LIFR: variants seen among roughly 807,000 people sequenced by gnomAD.
The protein encoded by LIFR is LIF receptor subunit alpha.
Under a neutral mutation model 122.2 loss-of-function variants are expected in LIFR, and 84 were observed. That is an observed-to-expected ratio of 0.69 (90% confidence interval 0.58 to 0.82). The LOEUF is 0.82. LIFR is among the 40% of genes least tolerant of loss of function. The pLI, the probability that LIFR is intolerant of heterozygous loss-of-function variation, is 0.00. For synonymous variants in LIFR, 422 were observed against 434.7 expected (o/e 0.97, Z 0.36); for missense variants, 1,294 against 1,311.6 (o/e 0.99, Z 0.21).
chr5:38,540,090 G>C (rs1352548011), intron 1 of LIFR, among the ~76,000 whole-genome samples: 2 of 152,110 alleles, frequency 1.3e-5, no homozygotes, highest in Non-Finnish European at 2.9e-5. Flanking sequence ...CAACTAAGCT[G>C]GAGTCAGGAG....
rs1344272905 is a variant in LIFR at position 38,490,212 on chromosome 5, C to T, written c.2145G>A (p.Met715Ile). ...TACCCAATTCTTCTATATATCCAAT[C>T]ATGGAGCGTAATAATTGATATCCTT... ...RNQGYQLLRS[M>I]IGYIEELAPI... The change falls in exon 15 of 20, where the codon ATG becomes ATA. Residue 715 changes from methionine to isoleucine, a missense_variant. Met to Ile is a conservative substitution (Grantham distance 10). Transcript: ENST00000453190. 3 of 1,555,894 alleles carry T rather than the reference C, an allele frequency of 1.9e-6. No individual in the cohort carries two copies. The highest frequency in any genetic ancestry group is 2.7e-6 in the Non-Finnish European group (3 of 1,130,938).
chr5:38,601,248 T>C (rs1177768746), intron 2 of LIFR, among the ~76,000 whole-genome samples: 1 of 152,200 alleles, frequency 6.6e-6, no homozygotes, highest in East Asian at 1.9e-4. Flanking sequence ...CTGCTGTCTA[T>C]GAACCAGAAA....
rs1434303265 is a variant in LIFR, at chr5:38,579,913, G to T, written c.-20+15348C>A. 2.0e-5 allele frequency among the ~76,000 whole-genome samples: 3 copies of T among 152,116 alleles called. No homozygotes were observed. The East Asian group carries it at 5.8e-4, about 29-fold the overall frequency. On this transcript the variant is annotated intron_variant, in intron 1 of 19. Coordinates refer to the LIFR transcript ENST00000263409. Reference sequence around the variant, plus strand: ...GTTGAAATTTAATAGTGTTAATGGAGAACACATAAGAGGTGACTCTAATAA... The same window carrying T: ...GTTGAAATTTAATAGTGTTAATGGATAACACATAAGAGGTGACTCTAATAA...
At chr5:38,515,497 A>AT (rs972944955) in intron 5 of LIFR, among the ~76,000 whole-genome samples, 4 of 152,128 alleles carry the variant, frequency 2.6e-5, no homozygotes, top group African/African-American at 4.8e-5. Context: ...AAAATTGTGG[A>AT]TTTTTTTATA....
rs114013216 is a variant in LIFR at position 38,494,286 on chromosome 5, G to A, written c.1886-501C>T. Among the ~76,000 whole-genome samples, 436 of 152,268 alleles carry A rather than the reference G, an allele frequency of 2.9e-3. 2 individuals carry two copies. The highest frequency in any genetic ancestry group is 9.8e-3 in the African/African-American group (406 of 41,538). On this transcript the variant is annotated intron_variant, in intron 13 of 19. Transcript: ENST00000453190. ...GAACTAGCCCCCTCTTTCTTTCAACGAAGACTGCAGCCCAAGAGCTGGGCT... is the reference window on the plus strand; with the variant it reads ...GAACTAGCCCCCTCTTTCTTTCAACAAAGACTGCAGCCCAAGAGCTGGGCT...
intron 4 of LIFR, among the ~76,000 whole-genome samples, chr5:38,523,923 T>C (rs1418849217): frequency 6.6e-6 from 1 of 152,204 alleles, no homozygotes; most frequent in East Asian, 1.9e-4. Flanking sequence ...CAATGCTTCA[T>C]CAGCCAAATT....
intron 4 of LIFR, among the ~76,000 whole-genome samples, chr5:38,526,915 G>A (rs1746718664): frequency 6.6e-6 from 1 of 152,134 alleles, no homozygotes; most frequent in Admixed American, 6.6e-5. Flanking sequence ...AGGAGTCAAG[G>A]GGGCTAAAGA....
chr5:38,497,372 C>A (rs1253242195), intron 12 of LIFR, among the ~76,000 whole-genome samples: 21 of 152,146 alleles, frequency 1.4e-4, no homozygotes, highest in Admixed American at 1.4e-3. Context: ...GAAAGAGACA[C>A]TGAAGAAAAA....
At chr5:38,563,529 T>C (rs1049598237) in intron 1 of LIFR, among the ~76,000 whole-genome samples, 3 of 152,198 alleles carry the variant, frequency 2.0e-5, no homozygotes, top group African/African-American at 7.2e-5. Context: ...AACAAAGATA[T>C]GAATGCACCA....
At position 38,495,136 on chromosome 5, in the gene LIFR, G is replaced by T. The variant is rs538233158; in HGVS notation, c.1885+1246C>A. 5.9e-4 allele frequency among the ~76,000 whole-genome samples: 90 copies of T among 152,284 alleles called. 2 individuals are homozygous for T. In the South Asian group the frequency reaches 0.018, roughly 31 times the overall value. On this transcript the variant is annotated intron_variant, in intron 13 of 19. Coordinates refer to ENST00000453190, the MANE Select transcript of LIFR (RefSeq NM_001127671.2). ...ACTCGGGAAATCCTCAAGGAATGAG[G>T]ATTTGTTCTGGGGTTTCAGAAAGTG...
chr5:38,554,268 A>T (rs1748396620), intron 1 of LIFR, among the ~76,000 whole-genome samples: 1 of 152,238 alleles, frequency 6.6e-6, no homozygotes, highest in South Asian at 2.1e-4. Flanking sequence ...TTCACAGCAA[A>T]GATGCCAAAG....
intron 1 of LIFR, among the ~76,000 whole-genome samples, chr5:38,548,743 A>G (rs1748030685): frequency 6.6e-6 from 1 of 152,228 alleles, no homozygotes; most frequent in Admixed American, 6.5e-5. Flanking sequence ...ATTCAAAATA[A>G]AATGTATTGG....
At chr5:38,589,520 T>G (rs1021929129) in intron 1 of LIFR, among the ~76,000 whole-genome samples, 6 of 152,168 alleles carry the variant, frequency 3.9e-5, no homozygotes, top group African/African-American at 1.4e-4. Context: ...TCCCAAGTGA[T>G]TCTTGAAAAT....
chr5:38,564,543 A>G (rs948394216), intron 1 of LIFR, among the ~76,000 whole-genome samples: 3 of 151,716 alleles, frequency 2.0e-5, no homozygotes, highest in Admixed American at 2.0e-4. Context: ...TCATACTGCT[A>G]TTCATCTCTG....
In LIFR at chr5:38,510,634, T is replaced by C; in HGVS notation, c.821A>G (p.Gln274Arg). The change falls in exon 7 of 20, where the codon CAA becomes CGA. Residue 274 changes from glutamine (Q) to arginine (R), a missense_variant. Coordinates refer to ENST00000453190, the MANE Select transcript of LIFR (RefSeq NM_001127671.2). ...AATCAGTGCTGATAACACTTTTTCTTGACTCACACAACAAAATGTTATGTC... is the reference window on the plus strand; with the variant it reads ...AATCAGTGCTGATAACACTTTTTCTCGACTCACACAACAAAATGTTATGTC... The part of the protein sequence containing the change: ...GSDITFCCVS[Q>R]EKVLSALIGH... The C allele has an allele frequency of 6.2e-7, 1 of 1,614,052 alleles. No homozygotes were observed. The highest frequency in any genetic ancestry group is 8.5e-7 in the Non-Finnish European group (1 of 1,179,960).
intron 18 of LIFR, 21 bp from the exon 19 acceptor site, chr5:38,482,688 C>A: frequency 9.9e-7 from 1 of 1,013,728 alleles, no homozygotes; most frequent in Admixed American, 2.2e-5. Flanking sequence ...AAAATTATTA[C>A]AGTAAATTTA....
At chr5:38,498,139 A>G (rs1744985000) in intron 12 of LIFR, among the ~76,000 whole-genome samples, 1 of 152,196 alleles carries the variant, frequency 6.6e-6, no homozygotes, top group Non-Finnish European at 1.5e-5. Context: ...CTGCTCCAGC[A>G]GAGGTCTCTG....
Position 38,530,552 on chromosome 5 carries a change from T to G in LIFR, c.96A>C (p.Thr32=). The change falls in exon 2 of 20, where the codon ACA becomes ACC. Residue 32 remains threonine (T), a synonymous_variant. Coordinates refer to ENST00000453190, the MANE Select transcript of LIFR (RefSeq NM_001127671.2). ...GATTCATTAGATATAGAAGAATAAA[T>G]GTTGATAACAGCCACTGGAAATTTG... ...TASNFQWLLS[T]FILLYLMNQV... 1 of 1,613,162 alleles carries G rather than the reference T, an allele frequency of 6.2e-7. No individual in the cohort carries two copies. Among genetic ancestry groups the G allele is most frequent in the East Asian group, 2.2e-5 (1 of 44,862 alleles).
At chr5:38,598,230 T>A (rs1389645086), upstream of LIFR, among the ~76,000 whole-genome samples, 512 of 44,758 alleles carry the variant, frequency 0.011, 11 homozygotes, top group African/African-American at 0.061. Context: ...TTTTTTTTTT[T>A]TTATTTATTT....
Sources: allele counts gnomAD v4.1 joint callset (sites outside exome capture counted in the v4.1 genomes callset), GRCh38; gene constraint gnomAD v4.1.1; transcripts MANE v1.5; gene names NCBI Gene and HGNC (gene_info 2026-07-23, HGNC 2026-07-21).